The following KLHL8 variants were observed in gnomAD, a reference collection of about 807,000 sequenced individuals.
The protein encoded by KLHL8 is kelch like family member 8.
A neutral mutation model predicts 63.5 loss-of-function variants in KLHL8; 38 were observed. That is an observed-to-expected ratio of 0.60 (90% CI 0.46 to 0.78). KLHL8 has a LOEUF of 0.78. Ranked by LOEUF, KLHL8 falls within the 30% of genes least tolerant of loss-of-function variation. The pLI is 0.00. For synonymous variants in KLHL8, 224 were observed against 254.3 expected (o/e 0.88, Z 1.13); for missense variants, 566 against 752.4 (o/e 0.75, Z 2.90).
At chr4:87,216,203 T>C (rs1285118486) in intron 1 of KLHL8, among the ~76,000 whole-genome samples, 1 of 152,134 alleles carries the variant, frequency 6.6e-6, no homozygotes, top group Non-Finnish European at 1.5e-5. Context: ...AATGAATCAA[T>C]CAAAGGTACC....
At chr4:87,218,095 A>C (rs1010307509) in intron 1 of KLHL8, among the ~76,000 whole-genome samples, 7 of 151,958 alleles carry the variant, frequency 4.6e-5, no homozygotes, top group African/African-American at 1.7e-4. Context: ...TATACGTACC[A>C]CTCTGATGAG....
intron 1 of KLHL8, among the ~76,000 whole-genome samples, chr4:87,209,889 A>G (rs762777370): frequency 8.5e-6 from 1 of 117,144 alleles, no homozygotes; most frequent in Non-Finnish European, 1.6e-5. Context: ...GCCTGGCTCT[A>G]TTGGCCCAAG....
chr4:87,232,089 A>G (rs1733146551), intron 1 of KLHL8, among the ~76,000 whole-genome samples: 1 of 152,228 alleles, frequency 6.6e-6, no homozygotes, highest in Non-Finnish European at 1.5e-5. Context: ...ATTATTCTTT[A>G]TGAGTGTATA....
intron 2 of KLHL8, among the ~76,000 whole-genome samples, chr4:87,189,577 C>T (rs1420534709): frequency 6.6e-6 from 1 of 152,068 alleles, no homozygotes; most frequent in African/African-American, 2.4e-5. Flanking sequence ...CCTAACTCCA[C>T]TAGTTAGGAC....
intron 4 of KLHL8, among the ~76,000 whole-genome samples, chr4:87,181,699 C>T (rs1731059168): frequency 6.6e-6 from 1 of 151,972 alleles, no homozygotes; most frequent in Non-Finnish European, 1.5e-5. Context: ...TCTTAGTCTC[C>T]TCATCCTTAA....
At chr4:87,213,507 G>A (rs1365497407) in intron 1 of KLHL8, among the ~76,000 whole-genome samples, 1 of 152,200 alleles carries the variant, frequency 6.6e-6, no homozygotes, top group East Asian at 1.9e-4. Context: ...ACATTGCTGA[G>A]CTTACATAGA....
intron 6 of KLHL8, among the ~76,000 whole-genome samples, chr4:87,176,468 C>G (rs2109975083): frequency 6.6e-6 from 1 of 152,234 alleles, no homozygotes; most frequent in South Asian, 2.1e-4. Context: ...TTTGCAACTT[C>G]TCTGAATAAA....
At chr4:87,221,392 T>TAAAAAAAAAAAAAAAAAAAAA (rs71660123), upstream of KLHL8, 1 of 87,040 alleles carries the variant, frequency 1.1e-5, no homozygotes, top group Non-Finnish European at 2.1e-5. Flanking sequence ...AGACTCCGTC[T>TAAAAAAAAAAAAAAAAAAAAA]AAAAAAAAAA....
At chr4:87,190,620 G>C (rs1731444155) in intron 2 of KLHL8, among the ~76,000 whole-genome samples, 1 of 150,206 alleles carries the variant, frequency 6.7e-6, no homozygotes, top group South Asian at 2.2e-4. Flanking sequence ...CTCCAGCCTG[G>C]GTGACAGAGT....
At chr4:87,192,825 C>T (rs1406099425) in intron 2 of KLHL8, among the ~76,000 whole-genome samples, 2 of 152,072 alleles carry the variant, frequency 1.3e-5, no homozygotes, top group African/African-American at 4.8e-5. Context: ...ACACTGTAGG[C>T]AACTGAAACA....
At chr4:87,183,711 C>T (rs1301912272) in intron 3 of KLHL8, among the ~76,000 whole-genome samples, 2 of 152,132 alleles carry the variant, frequency 1.3e-5, no homozygotes, top group East Asian at 1.9e-4. Flanking sequence ...TTGCTTACTT[C>T]CAAAAACGGT....
chr4:87,207,797 C>G (rs1732202389), intron 1 of KLHL8: 1 of 953,948 alleles, frequency 1.0e-6, no homozygotes, highest in Non-Finnish European at 1.7e-6. Flanking sequence ...GTCACCACTG[C>G]CAAGGTGTCG....
At chr4:87,226,621 A>AAT (rs201221049) in intron 1 of KLHL8, among the ~76,000 whole-genome samples, 24,908 of 49,082 alleles carry the variant, frequency 0.51, 7,722 homozygotes, top group East Asian at 0.8. Context: ...TTATATAAAT[A>AAT]ATATATATTA....
At chr4:87,215,551 G>C (rs1732562454) in intron 1 of KLHL8, among the ~76,000 whole-genome samples, 2 of 152,192 alleles carry the variant, frequency 1.3e-5, no homozygotes, top group African/African-American at 4.8e-5. Context: ...TCACAAGTTT[G>C]TTTAGCATCA....
intron 8 of KLHL8, among the ~76,000 whole-genome samples, chr4:87,168,992 T>G (rs1730532467): frequency 6.6e-6 from 1 of 150,774 alleles, no homozygotes; most frequent in African/African-American, 2.4e-5. Flanking sequence ...ATATAAACAT[T>G]GACATGACCT....
At chr4:87,196,470 G>T (rs1731705305) in intron 1 of KLHL8, among the ~76,000 whole-genome samples, 1 of 152,034 alleles carries the variant, frequency 6.6e-6, no homozygotes, top group Non-Finnish European at 1.5e-5. Context: ...GTATGAGCTT[G>T]AGCAAATGAC....
At chr4:87,199,159 C>A (rs1326259837) in intron 1 of KLHL8, among the ~76,000 whole-genome samples, 1 of 152,002 alleles carries the variant, frequency 6.6e-6, no homozygotes, top group Non-Finnish European at 1.5e-5. Flanking sequence ...AGAAGACACA[C>A]CACGCCAACA....
At chr4:87,172,055 T>A (rs919982396) in intron 6 of KLHL8, among the ~76,000 whole-genome samples, 3 of 152,182 alleles carry the variant, frequency 2.0e-5, no homozygotes, top group Non-Finnish European at 4.4e-5. Flanking sequence ...GTTACTCTCA[T>A]GACTATGCTA....
intron 2 of KLHL8, among the ~76,000 whole-genome samples, chr4:87,191,324 C>A (rs1731477898): frequency 6.6e-6 from 1 of 152,044 alleles, no homozygotes; most frequent in Admixed American, 6.6e-5. Flanking sequence ...CAAAAATTAA[C>A]TGGGTGTGAT....
Sources: gnomAD v4.1 joint callset for allele counts (sites outside exome capture counted in the v4.1 genomes callset) on GRCh38, gnomAD v4.1.1 for gene constraint, MANE v1.5 for transcripts, NCBI Gene and HGNC (gene_info 2026-07-23, HGNC 2026-07-21) for gene names.